The following EBF2 variants were observed in gnomAD, a reference collection of about 807,000 sequenced individuals.
EBF2 encodes EBF transcription factor 2.
A neutral mutation model predicts 72.8 loss-of-function variants in EBF2; 21 were observed. That is an observed-to-expected ratio of 0.29 (90% CI 0.20 to 0.42). The LOEUF is 0.42. Among genes scored for constraint, EBF2 ranks in the 10% least tolerant of loss-of-function variants. The pLI is 1.00. For missense variants in EBF2, 637 were observed against 731.2 expected (o/e 0.87, Z 1.49); for synonymous variants, 299 against 274.2 (o/e 1.09, Z -0.89).
intron 6 of EBF2, among the ~76,000 whole-genome samples, chr8:26,029,350 T>C (rs1805355504): frequency 6.6e-6 from 1 of 152,220 alleles, no homozygotes; most frequent in African/African-American, 2.4e-5. Context: ...TGGCCATTGA[T>C]GGTATCAAGG....
In EBF2 at chr8:25,985,687, C is replaced by T. The variant is rs75663332; in HGVS notation, c.551+47398G>A. Among the ~76,000 whole-genome samples, 483 of 152,168 alleles carry T rather than the reference C, an allele frequency of 3.2e-3. 3 individuals carry two copies. Among genetic ancestry groups the T allele is most frequent in the Non-Finnish European group, 5.6e-3 (378 of 67,994 alleles). On this transcript the variant is annotated intron_variant, in intron 6 of 15. Coordinates refer to ENST00000520164, the MANE Select transcript of EBF2 (RefSeq NM_022659.4). Reference sequence around the variant, plus strand: ...GAGAAATTGAGGTGGACAGGAATTACGGGAATCTTGCTATTTAAGCAAGGA... The same window carrying T: ...GAGAAATTGAGGTGGACAGGAATTATGGGAATCTTGCTATTTAAGCAAGGA...
At chr8:25,933,580 AT>A (rs1379738986) in intron 6 of EBF2, among the ~76,000 whole-genome samples, 1 of 152,162 alleles carries the variant, frequency 6.6e-6, no homozygotes, top group Non-Finnish European at 1.5e-5. Flanking sequence ...TATTTTAAGG[AT>A]TTGTCCAAAA....
At chr8:25,967,283 C>T (rs147939878) in intron 6 of EBF2, among the ~76,000 whole-genome samples, 1,883 of 152,254 alleles carry the variant, frequency 0.012, 15 homozygotes, top group Admixed American at 0.022. Context: ...CAAAGAAAAA[C>T]GGAGCTCTTT....
At chr8:26,043,078 G>A (rs1311649850) in intron 1 of EBF2, among the ~76,000 whole-genome samples, 6 of 152,222 alleles carry the variant, frequency 3.9e-5, no homozygotes, top group Admixed American at 3.9e-4. Flanking sequence ...GTTTTCTGGC[G>A]GCGCCAGCCG....
intron 6 of EBF2, among the ~76,000 whole-genome samples, chr8:25,923,573 A>C (rs1197520687): frequency 6.6e-6 from 1 of 152,102 alleles, no homozygotes; most frequent in Non-Finnish European, 1.5e-5. Flanking sequence ...AGCCTGCTTC[A>C]AGTTTTGTTT....
chr8:25,877,122 A>C (rs1487907524), intron 10 of EBF2, among the ~76,000 whole-genome samples: 2 of 152,168 alleles, frequency 1.3e-5, no homozygotes, highest in Non-Finnish European at 2.9e-5. Context: ...CAGATTTTAC[A>C]ATTAGAGACA....
At chr8:26,010,201 T>TC (rs1204977036) in intron 6 of EBF2, among the ~76,000 whole-genome samples, 1 of 152,218 alleles carries the variant, frequency 6.6e-6, no homozygotes, top group Non-Finnish European at 1.5e-5. Flanking sequence ...TGGCATTTTT[T>TC]CCCCCTTCTC....
At chr8:25,920,850 G>T (rs1286889496) in intron 6 of EBF2, among the ~76,000 whole-genome samples, 2 of 151,078 alleles carry the variant, frequency 1.3e-5, no homozygotes, top group African/African-American at 4.9e-5. Context: ...ACCTATCTTT[G>T]CTCTCTCCCA....
Position 25,910,677 on chromosome 8 carries a change from C to G in EBF2, c.552-2122G>C, listed in dbSNP as rs74893593. Among the ~76,000 whole-genome samples, 167 of 152,070 alleles carry G rather than the reference C, an allele frequency of 1.1e-3. 4 individuals carry two copies. The East Asian group carries it at 0.026, about 24-fold the overall frequency. On this transcript the variant is annotated intron_variant, in intron 6 of 15. Coordinates refer to ENST00000520164, the MANE Select transcript of EBF2 (RefSeq NM_022659.4). The stretch of plus-strand genomic sequence containing the variant: ...GGCTTTATTCATTTTAAATTAGGAC[C>G]CTTAACAGTGATTTGGATGGAAAAC...
At chr8:25,852,615 G>T (rs1306471594) in intron 14 of EBF2, among the ~76,000 whole-genome samples, 3 of 152,148 alleles carry the variant, frequency 2.0e-5, no homozygotes, top group Admixed American at 1.3e-4. Context: ...GATCAAAAAT[G>T]GTTCCCTTGC....
intron 5 of EBF2, among the ~76,000 whole-genome samples, chr8:26,036,339 G>A (rs1001368289): frequency 2.8e-4 from 43 of 151,680 alleles, no homozygotes; most frequent in African/African-American, 9.9e-4. Context: ...TAAACTTTAG[G>A]ATCCAATCCT....
intron 10 of EBF2, among the ~76,000 whole-genome samples, chr8:25,883,412 T>A (rs1802634872): frequency 9.4e-6 from 1 of 106,266 alleles, no homozygotes; most frequent in South Asian, 3.1e-4. Context: ...TGTAGCCATC[T>A]CCCTTTTTTT....
intron 10 of EBF2, among the ~76,000 whole-genome samples, chr8:25,878,340 T>C (rs1802556238): frequency 6.6e-6 from 1 of 152,164 alleles, no homozygotes; most frequent in African/African-American, 2.4e-5. Context: ...CGTGGGTCAG[T>C]GCTTCAGGGT....
At chr8:25,932,620 A>G (rs1803503445) in intron 6 of EBF2, among the ~76,000 whole-genome samples, 1 of 152,210 alleles carries the variant, frequency 6.6e-6, no homozygotes. Context: ...AGATTTTGGC[A>G]ACTACATCAT....
chr8:25,984,979 A>G (rs2117203027), intron 6 of EBF2, among the ~76,000 whole-genome samples: 1 of 152,254 alleles, frequency 6.6e-6, no homozygotes, highest in Middle Eastern at 3.4e-3. Flanking sequence ...AGCAAAGGAA[A>G]AGGTATCTTT....
intron 6 of EBF2, among the ~76,000 whole-genome samples, chr8:26,020,539 G>A (rs912431927): frequency 2.0e-5 from 3 of 152,172 alleles, no homozygotes; most frequent in Non-Finnish European, 2.9e-5. Flanking sequence ...TAGGAATCAA[G>A]GTTAGACACC....
In EBF2 at chr8:26,044,803, C is replaced by T; in HGVS notation, c.57G>A (p.Leu19=). The change falls in exon 1 of 16, where the codon CTG becomes CTA. Residue 19 remains leucine (L), a synonymous_variant. Coordinates refer to ENST00000520164, the MANE Select transcript of EBF2 (RefSeq NM_022659.4). The surrounding 1 kb of genome is among the most constrained non-coding windows in gnomAD (Gnocchi z 4.1). ...ACCTGACCGAATCCATCTCCGCGCC[C>T]AGCGATTTCTCTTTCAGAGTTGGTC... ...GRGPTLKEKS[L]GAEMDSVRSW... The T allele has an allele frequency of 6.2e-7, 1 of 1,614,148 alleles. No homozygotes were observed. Among genetic ancestry groups the T allele is most frequent in the Non-Finnish European group, 8.5e-7 (1 of 1,180,030 alleles).
At chr8:26,043,542 G>A (rs1222101564) in intron 1 of EBF2, among the ~76,000 whole-genome samples, 1 of 152,204 alleles carries the variant, frequency 6.6e-6, no homozygotes, top group East Asian at 1.9e-4. Context: ...CGGCCGCCGC[G>A]CTGTGCGGTC....
rs538433958 is a variant in EBF2, at chr8:25,889,698, G to A, written c.751+54C>T. 10 of 1,400,932 alleles carry A rather than the reference G, an allele frequency of 7.1e-6. No homozygotes were observed. The South Asian group carries it at 1.2e-4, about 16-fold the overall frequency. 86.8% of individuals were successfully genotyped at this position (1,400,932 alleles called of 1,614,324 possible). A position where few individuals can be genotyped will look rare whatever the true frequency, so the allele number is the denominator to read the frequency against. ...AGACATAAATTTGAAGTTCGAACAA[G>A]GAAATTCGTGGAGAATTTCATGTGT... On this transcript the variant is annotated intron_variant, in intron 8 of 15. Coordinates refer to ENST00000520164, the MANE Select transcript of EBF2 (RefSeq NM_022659.4).
Sources: gnomAD v4.1 joint callset for allele counts (sites outside exome capture counted in the v4.1 genomes callset) on GRCh38, gnomAD v4.1.1 for gene constraint, Gnocchi (gnomAD v3.1) non-coding constraint, MANE v1.5 for transcripts, NCBI Gene and HGNC (gene_info 2026-07-23, HGNC 2026-07-21) for gene names.